Variants in PRKAG2 observed in about 807,000 individuals in gnomAD.
PRKAG2 encodes protein kinase AMP-activated non-catalytic subunit gamma 2.
Under a neutral mutation model 69.6 loss-of-function variants are expected in PRKAG2, and 26 were observed. The ratio of observed to expected loss-of-function variants is 0.37; its 90% CI spans 0.27 to 0.52. The LOEUF is 0.52. Among genes scored for constraint, PRKAG2 ranks in the 20% least tolerant of loss-of-function variants. The probability of loss-of-function intolerance (pLI) is 0.90; values close to 1 mark genes in which losing one functional copy is unlikely to be tolerated. For missense variants in PRKAG2, 557 were observed against 740.0 expected, an observed-to-expected ratio of 0.75 and a Z score of 2.87; for synonymous variants, 293 against 285.0, an observed-to-expected ratio of 1.03 and a Z score of -0.28.
rs185113693 is a variant in PRKAG2, at chr7:151,578,293, C to T, written c.865-1841G>A. 5.8e-3 allele frequency among the ~76,000 whole-genome samples: 878 copies of T among 152,234 alleles called. 8 individuals carry two copies. The highest frequency in any genetic ancestry group is 0.019 in the African/African-American group (805 of 41,546). On this transcript the variant is annotated intron_variant, in intron 6 of 15. Coordinates refer to ENST00000287878, the MANE Select transcript of PRKAG2 (RefSeq NM_016203.4). ...CTGGGAAGTGGAGGCTGTAGTGAGC[C>T]GAGAACACGCCACTGTACTCCAGCC...
At chr7:151,717,104 G>A (rs948482566) in intron 3 of PRKAG2, among the ~76,000 whole-genome samples, 2 of 152,136 alleles carry the variant, frequency 1.3e-5, no homozygotes, top group South Asian at 2.1e-4. Flanking sequence ...AAAATTAGTC[G>A]AGTTGGGTGA....
intron 3 of PRKAG2, among the ~76,000 whole-genome samples, chr7:151,690,416 G>T (rs905108505): frequency 2.6e-5 from 4 of 152,062 alleles, no homozygotes; most frequent in African/African-American, 4.8e-5. Flanking sequence ...AAGATGCCCT[G>T]CCTCCCCTTT....
At chr7:151,864,883 A>G (rs1462794131) in intron 1 of PRKAG2, among the ~76,000 whole-genome samples, 6 of 152,168 alleles carry the variant, frequency 3.9e-5, no homozygotes, top group Non-Finnish European at 7.3e-5. Flanking sequence ...AGCCAAACGG[A>G]GACTTAGGCT....
intron 1 of PRKAG2, among the ~76,000 whole-genome samples, chr7:151,798,716 A>G (rs1300382780): frequency 6.6e-6 from 1 of 152,190 alleles, no homozygotes; most frequent in Non-Finnish European, 1.5e-5. Context: ...GGGAACAGAG[A>G]AGAGCTGACC....
intron 1 of PRKAG2, among the ~76,000 whole-genome samples, chr7:151,798,507 G>GT (rs932875718): frequency 1.9e-4 from 29 of 152,146 alleles, no homozygotes; most frequent in Admixed American, 1.2e-3. Context: ...TAGAGATGGC[G>GT]TTTTCCCATG....
At chr7:151,758,371 A>T (rs1408281836) in intron 3 of PRKAG2, among the ~76,000 whole-genome samples, 1 of 152,250 alleles carries the variant, frequency 6.6e-6, no homozygotes, top group Non-Finnish European at 1.5e-5. Context: ...AATCTGTGGC[A>T]TCTGGTTTTG....
intron 3 of PRKAG2, among the ~76,000 whole-genome samples, chr7:151,745,551 TG>T: frequency 6.6e-6 from 1 of 152,268 alleles, no homozygotes; most frequent in South Asian, 2.1e-4. Context: ...CCACAGGAAC[TG>T]GAGCCTGAGT....
At chr7:151,559,630 G>A (rs769901791) in intron 15 of PRKAG2, 68 of 985,074 alleles carry the variant, frequency 6.9e-5, no homozygotes, top group Non-Finnish European at 7.2e-5. Context: ...TTCCTTTAGG[G>A]TAGGTATTTT....
chr7:151,558,982 C>G (rs1200276670), intron 15 of PRKAG2: 1 of 985,440 alleles, frequency 1.0e-6, no homozygotes, highest in Non-Finnish European at 1.2e-6. Context: ...TTCAGCCTGA[C>G]CCGCTGGGCA....
chr7:151,610,416 C>T (rs768639558), intron 5 of PRKAG2, among the ~76,000 whole-genome samples: 13 of 150,434 alleles, frequency 8.6e-5, no homozygotes, highest in African/African-American at 2.7e-4. Context: ...CGGTGGCTTA[C>T]GGCTGTAATC....
chr7:151,706,475 T>C (rs889020980), intron 3 of PRKAG2, among the ~76,000 whole-genome samples: 1 of 152,164 alleles, frequency 6.6e-6, no homozygotes, highest in Admixed American at 6.5e-5. Flanking sequence ...TCTCCCCACC[T>C]GGGACAGTGC....
chr7:151,568,277 C>A (rs1278624173), intron 11 of PRKAG2, among the ~76,000 whole-genome samples: 1 of 152,198 alleles, frequency 6.6e-6, no homozygotes, highest in Admixed American at 6.5e-5. Flanking sequence ...ATCACTGCTG[C>A]AGTTTATAAG....
intron 1 of PRKAG2, among the ~76,000 whole-genome samples, chr7:151,808,372 G>C (rs922486338): frequency 6.6e-6 from 1 of 152,128 alleles, no homozygotes; most frequent in Non-Finnish European, 1.5e-5. Context: ...AACTGATTTG[G>C]GGGGAAACTG....
intron 1 of PRKAG2, among the ~76,000 whole-genome samples, chr7:151,831,326 G>A (rs924640658): frequency 1.6e-4 from 24 of 152,164 alleles, no homozygotes; most frequent in African/African-American, 5.6e-4. Context: ...CCAAAAGGTG[G>A]AAACAACCCA....
At chr7:151,822,858 A>T (rs958637362) in intron 1 of PRKAG2, among the ~76,000 whole-genome samples, 9 of 152,178 alleles carry the variant, frequency 5.9e-5, no homozygotes, top group Admixed American at 5.9e-4. Flanking sequence ...AGGTTGCCCA[A>T]TGAATCCACA....
At chr7:151,709,809 T>C (rs1435226890) in intron 3 of PRKAG2, among the ~76,000 whole-genome samples, 1 of 152,102 alleles carries the variant, frequency 6.6e-6, no homozygotes, top group East Asian at 1.9e-4. Flanking sequence ...ATGTGTAACA[T>C]TGACAGTGAT....
At chr7:151,812,826 A>G (rs923356916) in intron 1 of PRKAG2, among the ~76,000 whole-genome samples, 2 of 150,152 alleles carry the variant, frequency 1.3e-5, no homozygotes, top group African/African-American at 5.1e-5. Flanking sequence ...CTTTAGGCAA[A>G]GAAGATTAAA....
At chr7:151,806,311 A>G (rs1284131627) in intron 1 of PRKAG2, among the ~76,000 whole-genome samples, 1 of 152,236 alleles carries the variant, frequency 6.6e-6, no homozygotes, top group African/African-American at 2.4e-5. Flanking sequence ...ATTTATTATT[A>G]AAAGAAAAAA....
intron 6 of PRKAG2, among the ~76,000 whole-genome samples, chr7:151,588,797 A>T (rs1360339911): frequency 6.6e-6 from 1 of 152,184 alleles, no homozygotes; most frequent in Non-Finnish European, 1.5e-5. Flanking sequence ...CTGTGAGTCC[A>T]TTAAATCTCT....
Sources: gnomAD v4.1 joint callset for allele counts (sites outside exome capture counted in the v4.1 genomes callset) on GRCh38, gnomAD v4.1.1 for gene constraint, MANE v1.5 for transcripts, NCBI Gene and HGNC (gene_info 2026-07-23, HGNC 2026-07-21) for gene names.